The following CADM2 variants were observed in gnomAD, a reference collection of about 807,000 sequenced individuals.
The protein encoded by CADM2 is immunoglobulin superfamily member 4D.
Under a neutral mutation model 49.8 loss-of-function variants are expected in CADM2, and 12 were observed. The ratio of observed to expected loss-of-function variants is 0.24; its 90% CI spans 0.15 to 0.39. The LOEUF is 0.39. Ranked by LOEUF, CADM2 falls within the 10% of genes least tolerant of loss-of-function variation. The pLI, the probability that CADM2 is intolerant of heterozygous loss-of-function variation, is 1.00. For synonymous variants in CADM2, 214 were observed against 175.4 expected, an observed-to-expected ratio of 1.22 and a Z score of -1.74; for missense variants, 378 against 492.3, an observed-to-expected ratio of 0.77 and a Z score of 2.20.
chr3:85,273,338 G>A (rs926383353), intron 1 of CADM2, among the ~76,000 whole-genome samples: 2 of 151,210 alleles, frequency 1.3e-5, no homozygotes, highest in Non-Finnish European at 1.5e-5. Context: ...GAATAGAAGA[G>A]GAACATGACT....
intron 1 of CADM2, among the ~76,000 whole-genome samples, chr3:85,364,905 CAAT>C (rs1217716703): frequency 3.0e-5 from 4 of 131,878 alleles, no homozygotes; most frequent in African/African-American, 1.0e-4. Context: ...ACAACAACAA[CAAT>C]AAACTAGAAG....
chr3:85,621,122 C>G (rs564879919), intron 1 of CADM2, among the ~76,000 whole-genome samples: 46 of 152,136 alleles, frequency 3.0e-4, no homozygotes, highest in African/African-American at 1.1e-3. Flanking sequence ...AGAAAATGAC[C>G]TCTGTTCTAA....
intron 1 of CADM2, among the ~76,000 whole-genome samples, chr3:85,542,451 T>C (rs1243743229): frequency 1.3e-5 from 2 of 152,176 alleles, no homozygotes; most frequent in African/African-American, 2.4e-5. Context: ...CATCATCCTA[T>C]CACCTTTTCA....
At chr3:85,833,433 G>T (rs979361024) in intron 3 of CADM2, among the ~76,000 whole-genome samples, 8 of 151,740 alleles carry the variant, frequency 5.3e-5, no homozygotes, top group Admixed American at 4.6e-4. Flanking sequence ...ACATCTGGTA[G>T]AATTTAGCTG....
intron 3 of CADM2, among the ~76,000 whole-genome samples, chr3:85,849,359 T>C (rs1042837548): frequency 1.1e-4 from 17 of 152,252 alleles, no homozygotes; most frequent in Non-Finnish European, 5.9e-5. Flanking sequence ...ATCGTATATA[T>C]GCTACTGTTT....
intron 8 of CADM2, among the ~76,000 whole-genome samples, chr3:86,041,387 A>T (rs1735907760): frequency 6.6e-6 from 1 of 152,174 alleles, no homozygotes; most frequent in South Asian, 2.1e-4. Context: ...ATGGAGGAAG[A>T]TCTACGAAGC....
chr3:84,982,051 G>A (rs2032211188), intron 1 of CADM2, among the ~76,000 whole-genome samples: 1 of 152,240 alleles, frequency 6.6e-6, no homozygotes, highest in African/African-American at 2.4e-5. Flanking sequence ...AAAATTGCCA[G>A]CCTGGTTCTT....
At chr3:85,407,656 A>G (rs901077827) in intron 1 of CADM2, among the ~76,000 whole-genome samples, 3 of 152,096 alleles carry the variant, frequency 2.0e-5, no homozygotes, top group African/African-American at 7.2e-5. Flanking sequence ...CAGCAGTGGT[A>G]CCTCTTCCAC....
At chr3:85,280,916 G>A (rs2043483864) in intron 1 of CADM2, among the ~76,000 whole-genome samples, 1 of 151,678 alleles carries the variant, frequency 6.6e-6, no homozygotes, top group Admixed American at 6.6e-5. Flanking sequence ...AAAACCATTA[G>A]CCAAAGATGA....
chr3:86,063,238 A>G (rs1477193128), intron 8 of CADM2, among the ~76,000 whole-genome samples: 1 of 152,224 alleles, frequency 6.6e-6, no homozygotes, highest in Non-Finnish European at 1.5e-5. Context: ...AAAAGAAGTG[A>G]AAATAAGACA....
chr3:85,376,011 A>G (rs941402443), intron 1 of CADM2, among the ~76,000 whole-genome samples: 5 of 152,152 alleles, frequency 3.3e-5, no homozygotes, highest in Non-Finnish European at 5.9e-5. Context: ...AGCATTTAAT[A>G]TGCATTATGT....
At chr3:84,996,582 A>G (rs2033189855) in intron 1 of CADM2, among the ~76,000 whole-genome samples, 1 of 152,256 alleles carries the variant, frequency 6.6e-6, no homozygotes, top group African/African-American at 2.4e-5. Context: ...GATAAAAAAT[A>G]TTATGAAATT....
At chr3:85,825,194 G>A (rs1436574922) in intron 3 of CADM2, among the ~76,000 whole-genome samples, 1 of 152,060 alleles carries the variant, frequency 6.6e-6, no homozygotes, top group Non-Finnish European at 1.5e-5. Context: ...ATTACCGTGA[G>A]AGTGTGTAGT....
rs188557997 is a variant in CADM2, at chr3:85,743,787, A to G, written c.88+17239A>G. 2.1e-3 allele frequency among the ~76,000 whole-genome samples: 323 copies of G among 152,302 alleles called. 1 individual carries two copies. The highest frequency in any genetic ancestry group is 7.6e-3 in the African/African-American group (315 of 41,566). ...TTAAAATCACCTCAAAAGAGATTCTAAAGTATTTATTAAAACATCTCAGGT... is the reference window on the plus strand; with the variant it reads ...TTAAAATCACCTCAAAAGAGATTCTGAAGTATTTATTAAAACATCTCAGGT... On this transcript the variant is annotated intron_variant, in intron 2 of 9. Transcript: ENST00000383699.
intron 3 of CADM2, among the ~76,000 whole-genome samples, chr3:85,805,296 G>A (rs2072339908): frequency 6.6e-6 from 1 of 152,124 alleles, no homozygotes; most frequent in South Asian, 2.1e-4. Flanking sequence ...AGCTTAGTTA[G>A]ATTGGAGAAA....
chr3:85,407,898 A>T (rs2035464757), intron 1 of CADM2, among the ~76,000 whole-genome samples: 1 of 151,388 alleles, frequency 6.6e-6, no homozygotes, highest in African/African-American at 2.4e-5. Context: ...AGTCCTAGCT[A>T]CTTGGGAGGC....
At chr3:85,659,490 C>T (rs1009212484) in intron 1 of CADM2, among the ~76,000 whole-genome samples, 6 of 151,712 alleles carry the variant, frequency 4.0e-5, no homozygotes, top group Non-Finnish European at 5.9e-5. Context: ...AAAAATAATG[C>T]AGAAATATAC....
At chr3:85,687,170 T>C (rs2066242566) in intron 1 of CADM2, among the ~76,000 whole-genome samples, 1 of 152,238 alleles carries the variant, frequency 6.6e-6, no homozygotes, top group Non-Finnish European at 1.5e-5. Context: ...AGGTCGTATG[T>C]CACAAAATTT....
chr3:85,117,474 C>T (rs2038679698), intron 1 of CADM2, among the ~76,000 whole-genome samples: 1 of 151,996 alleles, frequency 6.6e-6, no homozygotes, highest in Admixed American at 6.6e-5. Flanking sequence ...TGTCATGAGC[C>T]ATCAATTATG....
Sources: allele counts gnomAD v4.1 joint callset (sites outside exome capture counted in the v4.1 genomes callset), GRCh38; gene constraint gnomAD v4.1.1; transcripts MANE v1.5; gene names NCBI Gene and HGNC (gene_info 2026-07-23, HGNC 2026-07-21).